The following PPP4R4 variants were observed in gnomAD, a reference collection of about 807,000 sequenced individuals.
PPP4R4 encodes serine/threonine-protein phosphatase 4 regulatory subunit 4.
PPP4R4 carries 70 observed loss-of-function variants against 121.8 expected under a neutral mutation model. The ratio of observed to expected loss-of-function variants is 0.57; its 90% CI spans 0.47 to 0.70. The LOEUF (loss-of-function observed/expected upper bound fraction) is 0.70, where lower values mean the gene tolerates loss of function less well. Among genes scored for constraint, PPP4R4 ranks in the 30% least tolerant of loss-of-function variants. The pLI, the probability that PPP4R4 is intolerant of heterozygous loss-of-function variation, is 0.00. For missense variants in PPP4R4, 875 were observed against 1,033.6 expected, an observed-to-expected ratio of 0.85 and a Z score of 2.10; for synonymous variants, 348 against 355.7, an observed-to-expected ratio of 0.98 and a Z score of 0.24.
chr14:94,182,216 G>T lies in PPP4R4; in HGVS notation c.191+6089G>T, dbSNP rs552379506. Among the ~76,000 whole-genome samples, 23 of 152,226 alleles carry T rather than the reference G, an allele frequency of 1.5e-4. No homozygotes were observed. In the South Asian group the frequency reaches 4.4e-3, roughly 29 times the overall value. On this transcript the variant is annotated intron_variant, in intron 2 of 24. Coordinates refer to ENST00000304338, the MANE Select transcript of PPP4R4 (RefSeq NM_058237.2). Reference sequence around the variant, plus strand: ...TGTTTGCCTTTATAGATTTAAAAAAGTAATGAATTTGGAATATCAGTTAAA... The same window carrying T: ...TGTTTGCCTTTATAGATTTAAAAAATTAATGAATTTGGAATATCAGTTAAA...
intron 19 of PPP4R4, 79 bp downstream of exon 19, chr14:94,259,448 T>C (rs1425525492): frequency 7.9e-6 from 11 of 1,388,614 alleles, no homozygotes; most frequent in Non-Finnish European, 1.0e-5. Flanking sequence ...TAATCATTTC[T>C]TTCCATTTCA....
chr14:94,216,967 T>C (rs1891055109), intron 3 of PPP4R4, among the ~76,000 whole-genome samples: 1 of 152,138 alleles, frequency 6.6e-6, no homozygotes, highest in Admixed American at 6.5e-5. Flanking sequence ...CCAGTGGGGA[T>C]AGGGCAAGAA....
chr14:94,204,792 T>C (rs1448616851), intron 2 of PPP4R4, among the ~76,000 whole-genome samples: 1 of 152,166 alleles, frequency 6.6e-6, no homozygotes, highest in Non-Finnish European at 1.5e-5. Flanking sequence ...CATATTTTGT[T>C]AGTTTTTTGG....
At chr14:94,221,611 T>G (rs903517793) in intron 3 of PPP4R4, among the ~76,000 whole-genome samples, 10 of 152,074 alleles carry the variant, frequency 6.6e-5, no homozygotes, top group Admixed American at 5.2e-4. Flanking sequence ...CATTAGTCAT[T>G]AGGACAATGT....
chr14:94,186,446 A>G (rs1482009745), intron 2 of PPP4R4, among the ~76,000 whole-genome samples: 3 of 152,070 alleles, frequency 2.0e-5, no homozygotes, highest in African/African-American at 4.8e-5. Flanking sequence ...ACTGCTTTTT[A>G]TTATTGATAA....
intron 24 of PPP4R4, among the ~76,000 whole-genome samples, chr14:94,276,526 A>G (rs1240218932): frequency 6.6e-6 from 1 of 152,164 alleles, no homozygotes; most frequent in Non-Finnish European, 1.5e-5. Context: ...CAGGCACATC[A>G]CATGGTAAAA....
chr14:94,217,268 C>T (rs899655741), intron 3 of PPP4R4, among the ~76,000 whole-genome samples: 22 of 152,212 alleles, frequency 1.4e-4, no homozygotes, highest in African/African-American at 4.6e-4. Flanking sequence ...TGAGGCTGCA[C>T]GTTAAACAAA....
At chr14:94,218,698 C>G (rs1229716659) in intron 3 of PPP4R4, among the ~76,000 whole-genome samples, 1 of 132,042 alleles carries the variant, frequency 7.6e-6, no homozygotes, top group Non-Finnish European at 1.6e-5. Context: ...ACTGCACGCG[C>G]GCGCGCGCAC....
rs59871365 is a variant in PPP4R4, at chr14:94,230,565, CA to C, written c.295-19del. ...TGTGATCTCTCATCTATGTAAATAG[CA>C]AACTCTTTCTGATTATACAGGAAGC... On this transcript the variant is annotated intron_variant, in intron 3 of 24. Transcript: ENST00000304338. 3.6e-3 allele frequency: 5,761 copies of C among 1,591,024 alleles called. 174 individuals carry two copies. In the African/African-American group the frequency reaches 0.067, roughly 19 times the overall value.
intron 2 of PPP4R4, among the ~76,000 whole-genome samples, chr14:94,186,480 A>C (rs985183527): frequency 6.6e-6 from 1 of 152,190 alleles, no homozygotes; most frequent in Non-Finnish European, 1.5e-5. Context: ...TGGGTATAAC[A>C]CATCTTGTTT....
intron 2 of PPP4R4, among the ~76,000 whole-genome samples, chr14:94,204,322 C>T (rs544808516): frequency 3.3e-5 from 5 of 151,612 alleles, no homozygotes; most frequent in South Asian, 4.2e-4. Context: ...GCTTCAGTGC[C>T]GTTTGATGAA....
intron 2 of PPP4R4, among the ~76,000 whole-genome samples, chr14:94,181,883 T>G (rs1889011666): frequency 6.6e-6 from 1 of 152,210 alleles, no homozygotes; most frequent in Non-Finnish European, 1.5e-5. Flanking sequence ...GCAAGTGAAA[T>G]TTGAAATAAA....
In PPP4R4 at chr14:94,267,019, T is replaced by C; in HGVS notation, c.2439T>C (p.Leu813=). The part of the protein sequence containing the change: ...SVSGLGKTSV[L]SLADDSFRTR... ...CAGGGTTAGGAAAGACTTCTGTGCT[T>C]TCACTAGCTGGTAAGTAGCAATCTA... Residue 813 remains leucine (L), a synonymous_variant, in exon 23 of 25, where the codon CTT becomes CTC. Transcript: ENST00000304338. 2 of 1,591,370 alleles carry C rather than the reference T, an allele frequency of 1.3e-6. No individual in the cohort carries two copies. Among genetic ancestry groups the C allele is most frequent in the Non-Finnish European group, 1.7e-6 (2 of 1,162,058 alleles).
Position 94,174,526 on chromosome 14 carries a change from A to C in PPP4R4, c.61A>C (p.Met21Leu). ...CAGTCAGAACAGCCTGTTCGGTTAC[A>C]TGGAGGACCTGCAGGAGCTCACCAT... ...DFSQNSLFGYMEDLQELTIIE... is the reference protein window; with the variant it reads ...DFSQNSLFGYLEDLQELTIIE... Residue 21 changes from methionine (M) to leucine (L), a missense_variant, in exon 1 of 25, where the codon ATG becomes CTG. Met to Leu is a conservative substitution (Grantham distance 15, BLOSUM62 2). Coordinates refer to ENST00000304338, the MANE Select transcript of PPP4R4 (RefSeq NM_058237.2). The C allele has an allele frequency of 6.2e-7, 1 of 1,612,494 alleles. No homozygotes were observed. The highest frequency in any genetic ancestry group is 1.7e-4 in the Middle Eastern group (1 of 6,016).
rs1892654803 is a variant in PPP4R4, at chr14:94,241,889, C to G, written c.1078C>G (p.Pro360Ala). 6.2e-7 allele frequency: 1 copy of G among 1,610,788 alleles called. No homozygotes were observed. The highest frequency in any genetic ancestry group is 1.3e-5 in the African/African-American group (1 of 74,748). The stretch of plus-strand genomic sequence containing the variant: ...AAATGGACACAATGAAAACCAGATT[C>G]CACCCCAAATCCTAGAGCAGGAGAA... ...QENGHNENQI[P>A]PQILEQEKKY... Residue 360 changes from proline to alanine, a missense_variant, in exon 10 of 25, where the codon CCA becomes GCA. Physicochemically the swap from Pro to Ala is conservative, Grantham distance 27. Transcript: ENST00000304338.
intron 5 of PPP4R4, among the ~76,000 whole-genome samples, chr14:94,232,370 T>C (rs3993740): frequency 0.51 from 78,179 of 152,066 alleles, 21,813 homozygotes; most frequent in African/African-American, 0.73. Flanking sequence ...CCTGTCACAA[T>C]GCTTAAATAC....
intron 19 of PPP4R4, among the ~76,000 whole-genome samples, chr14:94,263,921 C>T (rs929913494): frequency 6.6e-6 from 1 of 152,062 alleles, no homozygotes; most frequent in African/African-American, 2.4e-5. Flanking sequence ...AATATTTATT[C>T]TCCACTTGTT....
At chr14:94,270,926 AAACAAC>A (rs962209762) in intron 23 of PPP4R4, among the ~76,000 whole-genome samples, 2 of 150,264 alleles carry the variant, frequency 1.3e-5, no homozygotes, top group East Asian at 3.9e-4. Flanking sequence ...TCAAAAAAAA[AAACAAC>A]AACAACAACA....
At chr14:94,214,521 GA>G (rs199924007) in intron 3 of PPP4R4, among the ~76,000 whole-genome samples, 55 of 147,032 alleles carry the variant, frequency 3.7e-4, no homozygotes, top group Admixed American at 9.5e-4. Flanking sequence ...AAAAAAAACA[GA>G]AAAAAAAAGA....
Sources: gnomAD v4.1 joint callset for allele counts (sites outside exome capture counted in the v4.1 genomes callset) on GRCh38, gnomAD v4.1.1 for gene constraint, MANE v1.5 for transcripts, NCBI Gene and HGNC (gene_info 2026-07-23, HGNC 2026-07-21) for gene names.